FBN2: variants seen among roughly 807,000 people sequenced by gnomAD.
FBN2 encodes fibrillin-2.
FBN2 carries 105 observed loss-of-function variants against 355.6 expected under a neutral mutation model. The observed-to-expected ratio is 0.30, with a 90% CI of 0.25 to 0.35. The LOEUF (loss-of-function observed/expected upper bound fraction) is 0.35, where lower values mean the gene tolerates loss of function less well. Among genes scored for constraint, FBN2 ranks in the 10% least tolerant of loss-of-function variants. The probability of loss-of-function intolerance (pLI) is 1.00; values close to 1 mark genes in which losing one functional copy is unlikely to be tolerated. For synonymous variants in FBN2, 1,350 were observed against 1,301.2 expected (o/e 1.04, Z -0.81); for missense variants, 3,280 against 3,758.7 (o/e 0.87, Z 3.33).
chr5:128,389,078 G>C (rs368824556), intron 11 of FBN2, among the ~76,000 whole-genome samples: 3 of 152,130 alleles, frequency 2.0e-5, no homozygotes, highest in Non-Finnish European at 2.9e-5. Context: ...TTGATTTAAA[G>C]AACAGTCTTT....
intron 4 of FBN2, 92 bp downstream of exon 4, chr5:128,527,780 A>C (rs1756600125): frequency 1.0e-6 from 1 of 955,312 alleles, no homozygotes; most frequent in Non-Finnish European, 1.6e-6. Flanking sequence ...TTGTTTTTTC[A>C]AAAGATCACA....
chr5:128,349,396 G>A lies in FBN2; in HGVS notation c.2940C>T (p.Cys980=), dbSNP rs143255082. The A allele has an allele frequency of 6.5e-4, 1,049 of 1,614,040 alleles. 7 individuals are homozygous for A. The Middle Eastern group carries it at 7.4e-3, about 11-fold the overall frequency. ...RCVNSKGSFH[C]ECPEGLTLDG... ...CCAACGTAAGGCCTTCAGGGCACTC[G>A]CAATGAAAAGATCCCTTACTGTTGA... The change falls in exon 23 of 65, where the codon TGC becomes TGT. Residue 980 remains cysteine (C), a synonymous_variant. Transcript: ENST00000262464.
intron 6 of FBN2, among the ~76,000 whole-genome samples, chr5:128,454,297 A>C (rs150228349): frequency 1.3e-5 from 2 of 152,288 alleles, no homozygotes; most frequent in Non-Finnish European, 2.9e-5. Flanking sequence ...TGGGGTTAGA[A>C]GAAGAGGAAT....
intron 8 of FBN2, among the ~76,000 whole-genome samples, chr5:128,395,609 A>C (rs933434436): frequency 1.4e-4 from 22 of 152,350 alleles, no homozygotes; most frequent in African/African-American, 4.8e-4. Flanking sequence ...TAATGCAGCA[A>C]CATCTGACTG....
chr5:128,355,606 A>T (rs1260403420), intron 20 of FBN2, among the ~76,000 whole-genome samples: 1 of 152,160 alleles, frequency 6.6e-6, no homozygotes, highest in Non-Finnish European at 1.5e-5. Flanking sequence ...CAGGCTAACC[A>T]CTGATGAGAG....
Position 128,273,985 on chromosome 5 carries a change from A to C in FBN2, c.7712-17T>G, listed in dbSNP as rs1765325741. The C allele has an allele frequency of 6.2e-7, 1 of 1,613,870 alleles. No individual in the cohort carries two copies. Among genetic ancestry groups the C allele is most frequent in the Non-Finnish European group, 8.5e-7 (1 of 1,179,814 alleles). On this transcript the variant is annotated splice_polypyrimidine_tract_variant and intron_variant, in intron 60 of 64. Coordinates refer to ENST00000262464, the MANE Select transcript of FBN2 (RefSeq NM_001999.4). Reference sequence around the variant, plus strand: ...CGTTGTTGTCTGGCAAAGCATCAAGAAGCAGAGCGTCAAACTTTCCAATCA... The same window carrying C: ...CGTTGTTGTCTGGCAAAGCATCAAGCAGCAGAGCGTCAAACTTTCCAATCA...
intron 2 of FBN2, among the ~76,000 whole-genome samples, chr5:128,535,872 G>C (rs940747006): frequency 6.7e-6 from 1 of 148,242 alleles, no homozygotes; most frequent in African/African-American, 2.5e-5. Context: ...TTAAAAGTTT[G>C]TTAACTTAGG....
intron 58 of FBN2, among the ~76,000 whole-genome samples, chr5:128,277,311 C>A (rs1183663139): frequency 6.6e-6 from 1 of 152,276 alleles, no homozygotes; most frequent in Admixed American, 6.5e-5. Flanking sequence ...CAATAAAAAA[C>A]CGAATAAGAA....
At chr5:128,449,446 T>C (rs141567634) in intron 6 of FBN2, among the ~76,000 whole-genome samples, 10,313 of 108,204 alleles carry the variant, frequency 0.095, 762 homozygotes, top group African/African-American at 0.23. Flanking sequence ...TATAATTATA[T>C]AGTATACTAT....
chr5:128,416,304 C>T (rs1340356429), intron 7 of FBN2, among the ~76,000 whole-genome samples: 2 of 152,142 alleles, frequency 1.3e-5, no homozygotes, highest in African/African-American at 4.8e-5. Context: ...GGATTACAGG[C>T]GTGAGCCACT....
In FBN2 at chr5:128,310,132, T is replaced by A. The variant is rs541338302; in HGVS notation, c.5075-24A>T. Reference sequence around the variant, plus strand: ...ATCTAGAGTAGGCAAGAATATCTATTAATTAATAAATCTATTTTTTCAATG... The same window carrying A: ...ATCTAGAGTAGGCAAGAATATCTATAAATTAATAAATCTATTTTTTCAATG... On this transcript the variant is annotated intron_variant, in intron 39 of 64. Transcript: ENST00000262464. 28 of 1,581,166 alleles carry A rather than the reference T, an allele frequency of 1.8e-5. No individual in the cohort carries two copies. The African/African-American group carries it at 2.6e-4, about 15-fold the overall frequency.
intron 2 of FBN2, among the ~76,000 whole-genome samples, chr5:128,533,518 G>C (rs1756762844): frequency 6.6e-6 from 1 of 152,202 alleles, no homozygotes; most frequent in African/African-American, 2.4e-5. Flanking sequence ...GAGGGAGACA[G>C]GACCTAGGGG....
In FBN2 at chr5:128,454,349, C is replaced by T. The variant is rs538536143; in HGVS notation, c.827-7743G>A. 2.6e-5 allele frequency among the ~76,000 whole-genome samples: 4 copies of T among 152,190 alleles called. No individual in the cohort carries two copies. In the East Asian group the frequency reaches 7.7e-4, roughly 29 times the overall value. ...ATAGGAGTTTCTATAATTGAGTTTG[C>T]TTTAAAGTTTTTTAATTGTTTAGGA... On this transcript the variant is annotated intron_variant, in intron 6 of 64. Coordinates refer to ENST00000262464, the MANE Select transcript of FBN2 (RefSeq NM_001999.4).
At chr5:128,408,878 G>A in intron 7 of FBN2, 79 bp from the exon 8 acceptor site, 1 of 1,499,340 alleles carries the variant, frequency 6.7e-7, no homozygotes, top group Admixed American at 1.7e-5. Context: ...TTTTTTAAGA[G>A]TATGAGAGCA....
intron 16 of FBN2, among the ~76,000 whole-genome samples, chr5:128,368,443 T>C (rs796544015): frequency 7.5e-5 from 8 of 106,104 alleles, no homozygotes; most frequent in African/African-American, 1.4e-4. Context: ...TACACATATA[T>C]ACATATATAT....
chr5:128,424,294 C>T (rs1425221825), intron 7 of FBN2, among the ~76,000 whole-genome samples: 1 of 152,092 alleles, frequency 6.6e-6, no homozygotes, highest in Non-Finnish European at 1.5e-5. Flanking sequence ...AAATTAGTTT[C>T]ACTTGACTGG....
At chr5:128,356,210 A>G (rs542026107) in intron 20 of FBN2, among the ~76,000 whole-genome samples, 1 of 152,244 alleles carries the variant, frequency 6.6e-6, no homozygotes, top group African/African-American at 2.4e-5. Flanking sequence ...ATTTCCTAAT[A>G]TGAAGAGCTG....
intron 5 of FBN2, among the ~76,000 whole-genome samples, chr5:128,487,065 G>T (rs1755357794): frequency 6.6e-6 from 1 of 152,040 alleles, no homozygotes; most frequent in Admixed American, 6.6e-5. Context: ...GTACGTATCT[G>T]CCCCCTTTAA....
chr5:128,493,785 GAGGGTATGCATTAGTGTGACATTTC>G (rs1291855465), intron 5 of FBN2, among the ~76,000 whole-genome samples: 2 of 152,196 alleles, frequency 1.3e-5, no homozygotes, highest in Admixed American at 6.5e-5. Flanking sequence ...TACTGAAGAG[GAGGGTATGCATTAGTGTGACATTTC>G]AGAGGTCGAA....
Sources: allele counts gnomAD v4.1 joint callset (sites outside exome capture counted in the v4.1 genomes callset), GRCh38; gene constraint gnomAD v4.1.1; transcripts MANE v1.5; gene names NCBI Gene and HGNC (gene_info 2026-07-23, HGNC 2026-07-21).